Variants in ROBO1 observed in about 807,000 individuals in gnomAD.
ROBO1 encodes the protein roundabout guidance receptor 1.
ROBO1 carries 149 observed loss-of-function variants against 195.9 expected under a neutral mutation model. The ratio of observed to expected loss-of-function variants is 0.76; its 90% CI spans 0.67 to 0.87. The LOEUF (loss-of-function observed/expected upper bound fraction) is 0.87. Among genes scored for constraint, ROBO1 ranks in the 40% least tolerant of loss-of-function variants. The pLI is 0.00. For synonymous variants in ROBO1, 816 were observed against 733.2 expected (o/e 1.11, Z -1.82); for missense variants, 1,933 against 2,068.3 (o/e 0.93, Z 1.27).
At chr3:79,733,913 A>T (rs947337298) in intron 1 of ROBO1, among the ~76,000 whole-genome samples, 6 of 151,218 alleles carry the variant, frequency 4.0e-5, no homozygotes, top group Non-Finnish European at 8.8e-5. Context: ...TTACCTTATG[A>T]TAAGACTCAC....
At chr3:78,732,909 T>G (rs1403639553) in intron 5 of ROBO1, among the ~76,000 whole-genome samples, 1 of 152,184 alleles carries the variant, frequency 6.6e-6, no homozygotes, top group Non-Finnish European at 1.5e-5. Flanking sequence ...CCTCGATTTG[T>G]AAGATTTAAG....
At chr3:79,516,070 T>C (rs1466288990) in intron 2 of ROBO1, among the ~76,000 whole-genome samples, 1 of 152,134 alleles carries the variant, frequency 6.6e-6, no homozygotes, top group Non-Finnish European at 1.5e-5. Context: ...AACAGATCCT[T>C]CGCTTTCCTT....
intron 3 of ROBO1, chr3:79,018,380 G>T (rs368369243): frequency 1.2e-6 from 2 of 1,613,416 alleles, no homozygotes; most frequent in Non-Finnish European, 1.7e-6. Context: ...GGAGGATCAA[G>T]GGTGAAGAAA....
At chr3:79,651,757 A>G (rs1351424846) in intron 1 of ROBO1, among the ~76,000 whole-genome samples, 1 of 152,156 alleles carries the variant, frequency 6.6e-6, no homozygotes, top group Admixed American at 6.6e-5. Flanking sequence ...TTTGGTGCCA[A>G]AAAGTATTAT....
chr3:78,865,027 C>A (rs1559939341), intron 4 of ROBO1, among the ~76,000 whole-genome samples: 1 of 152,076 alleles, frequency 6.6e-6, no homozygotes, highest in African/African-American at 2.4e-5. Flanking sequence ...TTTTGCATTA[C>A]CATTCACTCA....
chr3:78,926,502 G>A (rs2039228937), intron 4 of ROBO1, among the ~76,000 whole-genome samples: 1 of 152,164 alleles, frequency 6.6e-6, no homozygotes, highest in African/African-American at 2.4e-5. Context: ...CAGGTTTCTG[G>A]TCTGGAGGGT....
intron 4 of ROBO1, among the ~76,000 whole-genome samples, chr3:78,906,528 G>T (rs2037931334): frequency 6.6e-6 from 1 of 152,098 alleles, no homozygotes; most frequent in Non-Finnish European, 1.5e-5. Flanking sequence ...AGGAGGTTTA[G>T]ACTCATTTTT....
chr3:79,180,401 A>T (rs1423602884), intron 2 of ROBO1, among the ~76,000 whole-genome samples: 1 of 152,170 alleles, frequency 6.6e-6, no homozygotes, highest in East Asian at 1.9e-4. Flanking sequence ...GGGGAAGGAG[A>T]AATAAATTTT....
chr3:79,645,077 T>A (rs990725234), intron 1 of ROBO1, among the ~76,000 whole-genome samples: 15 of 150,714 alleles, frequency 1.0e-4, no homozygotes, highest in Non-Finnish European at 1.9e-4. Context: ...AAGAGGGAGG[T>A]TTATAGCAAC....
In ROBO1 at chr3:79,592,747, C is replaced by T. The variant is rs549906827; in HGVS notation, c.-50-2786G>A. On this transcript the variant is annotated intron_variant, in intron 1 of 30. Transcript: ENST00000464233. ...TCAACCTGCATTGACACACCATTAT[C>T]ATCCAAAGTCCATAGTTTACATTAA... Among the ~76,000 whole-genome samples, 4 of 152,134 alleles carry T rather than the reference C, an allele frequency of 2.6e-5. No individual in the cohort carries two copies. In the East Asian group the frequency reaches 7.8e-4, roughly 30 times the overall value.
At chr3:79,440,816 TTAAAG>T (rs1369703549) in intron 2 of ROBO1, among the ~76,000 whole-genome samples, 3 of 152,048 alleles carry the variant, frequency 2.0e-5, no homozygotes, top group Non-Finnish European at 4.4e-5. Context: ...CATAAAGTCC[TTAAAG>T]TAATGAGAAA....
At chr3:79,581,967 A>G (rs1943676134) in intron 2 of ROBO1, among the ~76,000 whole-genome samples, 1 of 151,954 alleles carries the variant, frequency 6.6e-6, no homozygotes, top group South Asian at 2.1e-4. Flanking sequence ...AATTGTCTAG[A>G]ATATTCTACT....
At chr3:79,261,176 G>T (rs965464230) in intron 2 of ROBO1, among the ~76,000 whole-genome samples, 10 of 151,782 alleles carry the variant, frequency 6.6e-5, no homozygotes, top group African/African-American at 2.4e-4. Flanking sequence ...TATTTTTTTT[G>T]TATATGTTAC....
At chr3:79,690,306 C>A (rs1947262094) in intron 1 of ROBO1, among the ~76,000 whole-genome samples, 1 of 151,892 alleles carries the variant, frequency 6.6e-6, no homozygotes, top group African/African-American at 2.4e-5. Flanking sequence ...TCCTAAAAAG[C>A]AAAGAACCTT....
intron 2 of ROBO1, among the ~76,000 whole-genome samples, chr3:79,565,897 A>T (rs760429824): frequency 1.3e-5 from 2 of 152,128 alleles, no homozygotes; most frequent in Non-Finnish European, 2.9e-5. Context: ...TATAACTTAC[A>T]TATTCAAGTA....
At chr3:79,019,386 G>C in intron 3 of ROBO1, 1 of 985,840 alleles carries the variant, frequency 1.0e-6, no homozygotes, top group South Asian at 4.7e-5. Context: ...GGCCGCCGCG[G>C]CTCACCCCAG....
intron 4 of ROBO1, among the ~76,000 whole-genome samples, chr3:78,848,518 C>G (rs1304524667): frequency 1.3e-5 from 2 of 152,038 alleles, no homozygotes; most frequent in Non-Finnish European, 2.9e-5. Context: ...TATAGGAGGT[C>G]AGGGAATTGT....
intron 3 of ROBO1, among the ~76,000 whole-genome samples, chr3:78,955,034 G>A (rs2040971920): frequency 6.6e-6 from 1 of 150,722 alleles, no homozygotes; most frequent in Non-Finnish European, 1.5e-5. Context: ...GGGTTATACA[G>A]GTAAACTGTG....
At chr3:79,511,798 T>C (rs1204484624) in intron 2 of ROBO1, among the ~76,000 whole-genome samples, 1 of 152,160 alleles carries the variant, frequency 6.6e-6, no homozygotes, top group Non-Finnish European at 1.5e-5. Flanking sequence ...GAGGCCATTA[T>C]CCTTAGCAAA....
Sources: allele counts gnomAD v4.1 joint callset (sites outside exome capture counted in the v4.1 genomes callset), GRCh38; gene constraint gnomAD v4.1.1; transcripts MANE v1.5; gene names NCBI Gene and HGNC (gene_info 2026-07-23, HGNC 2026-07-21).